Variants in MACROD2 observed in about 807,000 individuals in gnomAD.
MACROD2 encodes mono-ADP ribosylhydrolase 2, also known as ADP-ribose glycohydrolase MACROD2.
In MACROD2, 36 loss-of-function variants were observed where a neutral mutation model predicts 70.4. That is an observed-to-expected ratio of 0.51 (90% CI 0.39 to 0.68). MACROD2 has a LOEUF of 0.68. Ranked by LOEUF, MACROD2 falls within the 30% of genes least tolerant of loss-of-function variation. The pLI, the probability that MACROD2 is intolerant of heterozygous loss-of-function variation, is 0.00. For synonymous variants in MACROD2, 172 were observed against 178.8 expected, an observed-to-expected ratio of 0.96 and a Z score of 0.30; for missense variants, 496 against 538.4, an observed-to-expected ratio of 0.92 and a Z score of 0.78.
At chr20:14,988,713 GT>G (rs2074872685) in intron 5 of MACROD2, among the ~76,000 whole-genome samples, 1 of 149,666 alleles carries the variant, frequency 6.7e-6, no homozygotes, top group Non-Finnish European at 1.5e-5. Context: ...CAAGAGCTTG[GT>G]TTTAAAGGCC....
At chr20:15,401,383 C>G (rs894209501) in intron 6 of MACROD2, among the ~76,000 whole-genome samples, 1 of 152,198 alleles carries the variant, frequency 6.6e-6, no homozygotes, top group African/African-American at 2.4e-5. Flanking sequence ...AGCAGAGCAA[C>G]TATCTTTCAC....
chr20:14,657,251 C>T (rs190911299), intron 4 of MACROD2, among the ~76,000 whole-genome samples: 167 of 152,292 alleles, frequency 1.1e-3, no homozygotes, highest in African/African-American at 3.6e-3. Flanking sequence ...AGTTAGCATC[C>T]GCTTCTAAGC....
chr20:15,403,238 G>T (rs1222796799), intron 6 of MACROD2, among the ~76,000 whole-genome samples: 3 of 152,186 alleles, frequency 2.0e-5, no homozygotes, highest in Non-Finnish European at 2.9e-5. Context: ...AAAGTGCTGG[G>T]ATTATAGCTG....
intron 5 of MACROD2, among the ~76,000 whole-genome samples, chr20:14,891,432 G>T (rs935421639): frequency 1.3e-5 from 2 of 152,092 alleles, no homozygotes; most frequent in Admixed American, 1.3e-4. Flanking sequence ...TACATCCAGG[G>T]TTTACATTGT....
intron 5 of MACROD2, among the ~76,000 whole-genome samples, chr20:14,875,588 A>G (rs573942034): frequency 6.6e-6 from 1 of 152,184 alleles, no homozygotes; most frequent in African/African-American, 2.4e-5. Context: ...CCATCACCCA[A>G]GTAGTGAGCT....
intron 4 of MACROD2, chr20:14,547,237 G>T: frequency 1.7e-6 from 1 of 587,782 alleles, no homozygotes; most frequent in East Asian, 8.0e-5. Flanking sequence ...CTCCATGCAG[G>T]AGGGACACGT....
At chr20:14,027,009 C>G (rs1363329518) in intron 2 of MACROD2, among the ~76,000 whole-genome samples, 2 of 152,236 alleles carry the variant, frequency 1.3e-5, no homozygotes, top group African/African-American at 4.8e-5. Flanking sequence ...GACTAGGTGA[C>G]ACCTCCCAGC....
chr20:15,423,361 C>T (rs956060540), intron 6 of MACROD2, among the ~76,000 whole-genome samples: 22 of 152,208 alleles, frequency 1.4e-4, no homozygotes, highest in African/African-American at 4.3e-4. Flanking sequence ...CTAAATGTCA[C>T]GTCCATTATT....
At chr20:14,770,528 T>C (rs1298511030) in intron 5 of MACROD2, among the ~76,000 whole-genome samples, 1 of 152,120 alleles carries the variant, frequency 6.6e-6, no homozygotes, top group African/African-American at 2.4e-5. Context: ...GTGACTAATC[T>C]CTACATTTTT....
intron 12 of MACROD2, among the ~76,000 whole-genome samples, chr20:15,947,715 A>G (rs944487513): frequency 6.6e-6 from 1 of 152,202 alleles, no homozygotes; most frequent in Admixed American, 6.5e-5. Flanking sequence ...AATCAAAAGG[A>G]ATAAAATGGT....
At chr20:15,992,225 G>A (rs1214648729) in intron 15 of MACROD2, among the ~76,000 whole-genome samples, 1 of 152,102 alleles carries the variant, frequency 6.6e-6, no homozygotes, top group Non-Finnish European at 1.5e-5. Flanking sequence ...GGCCTCTTGA[G>A]TTTGTTCAAA....
intron 4 of MACROD2, among the ~76,000 whole-genome samples, chr20:14,652,404 A>T (rs1055187292): frequency 1.3e-5 from 2 of 152,204 alleles, no homozygotes; most frequent in African/African-American, 4.8e-5. Flanking sequence ...ATTAATTTCA[A>T]ACATATCATT....
At chr20:15,828,059 T>C (rs1040435860) in intron 8 of MACROD2, among the ~76,000 whole-genome samples, 3 of 152,210 alleles carry the variant, frequency 2.0e-5, no homozygotes, top group African/African-American at 7.2e-5. Flanking sequence ...TGGAGGTCTA[T>C]TGTACAGAAT....
chr20:14,975,326 C>A (rs532963206), intron 5 of MACROD2, among the ~76,000 whole-genome samples: 33 of 152,092 alleles, frequency 2.2e-4, no homozygotes, highest in Admixed American at 9.8e-4. Flanking sequence ...TGGTTGCAGC[C>A]CACAGTGCGT....
At position 15,500,730 on chromosome 20, in the gene MACROD2, G is replaced by A. The variant is rs141114760; in HGVS notation, c.645+883G>A. Among the ~76,000 whole-genome samples the A allele has an allele frequency of 5.9e-3, 902 of 152,270 alleles. 5 individuals are homozygous for A. Among genetic ancestry groups the A allele is most frequent in the Non-Finnish European group, 9.5e-3 (643 of 68,002 alleles). ...GGTGACGGGGTTTTCAAATGAGAAA[G>A]CACTTGGTACTTTTGTGTGTTTGAA... On this transcript the variant is annotated intron_variant, in intron 8 of 17. Coordinates refer to ENST00000684519, the MANE Select transcript of MACROD2 (RefSeq NM_001351661.2).
chr20:15,427,607 G>A (rs969514579), intron 6 of MACROD2, among the ~76,000 whole-genome samples: 2 of 152,156 alleles, frequency 1.3e-5, no homozygotes, highest in African/African-American at 2.4e-5. Flanking sequence ...TAGACCCAAT[G>A]ATGGACCCTA....
intron 3 of MACROD2, among the ~76,000 whole-genome samples, chr20:14,176,711 A>G (rs1263760838): frequency 6.6e-6 from 1 of 152,184 alleles, no homozygotes; most frequent in Non-Finnish European, 1.5e-5. Context: ...TTTGAATATA[A>G]GAAGAAATGT....
chr20:14,600,076 T>C (rs1388836414), intron 4 of MACROD2, among the ~76,000 whole-genome samples: 4 of 152,016 alleles, frequency 2.6e-5, no homozygotes, highest in Non-Finnish European at 5.9e-5. Flanking sequence ...GCTGCCATGA[T>C]AGGAAATTAA....
chr20:15,751,735 A>G (rs2051273417), intron 8 of MACROD2, among the ~76,000 whole-genome samples: 1 of 151,944 alleles, frequency 6.6e-6, no homozygotes, highest in Non-Finnish European at 1.5e-5. Context: ...TTCTTGGTTC[A>G]GAAATTCTCT....
Sources: allele counts gnomAD v4.1 joint callset (sites outside exome capture counted in the v4.1 genomes callset), GRCh38; gene constraint gnomAD v4.1.1; transcripts MANE v1.5; gene names NCBI Gene and HGNC (gene_info 2026-07-23, HGNC 2026-07-21).